ZFYVE28: variants seen among roughly 807,000 people sequenced by gnomAD.
ZFYVE28 encodes the protein zinc finger FYVE-type containing 28.
ZFYVE28 carries 40 observed loss-of-function variants against 82.1 expected under a neutral mutation model. The observed-to-expected ratio is 0.49, with a 90% CI of 0.38 to 0.63. The LOEUF is 0.63. Among genes scored for constraint, ZFYVE28 ranks in the 30% least tolerant of loss-of-function variants. ZFYVE28 has a pLI of 0.00. For missense variants in ZFYVE28, 1,321 were observed against 1,242.1 expected (o/e 1.06, Z -0.96); for synonymous variants, 612 against 546.1 (o/e 1.12, Z -1.68).
intron 1 of ZFYVE28, among the ~76,000 whole-genome samples, chr4:2,389,106 C>G (rs959674): frequency 0.32 from 49,119 of 152,070 alleles, 8,981 homozygotes; most frequent in East Asian, 0.46. Context: ...TCTGCACTGT[C>G]CCAGCTCCCT....
At chr4:2,395,994 G>A (rs951152539) in intron 1 of ZFYVE28, among the ~76,000 whole-genome samples, 2 of 152,212 alleles carry the variant, frequency 1.3e-5, no homozygotes. Context: ...CAGCCCGGGT[G>A]AGACCCACTG....
At chr4:2,312,454 C>A (rs1049593785) in intron 7 of ZFYVE28, among the ~76,000 whole-genome samples, 1 of 151,964 alleles carries the variant, frequency 6.6e-6, no homozygotes, top group Non-Finnish European at 1.5e-5. Flanking sequence ...TGGGGCCGGG[C>A]GCGGTGGCTC....
chr4:2,280,570 A>T (rs1457021456), intron 8 of ZFYVE28, among the ~76,000 whole-genome samples: 5 of 152,252 alleles, frequency 3.3e-5, no homozygotes, highest in Non-Finnish European at 7.3e-5. Context: ...CATAAATGAC[A>T]CACTGGGGAA....
chr4:2,271,180 G>C (rs1345430505), intron 12 of ZFYVE28, 131 bp downstream of exon 12: 5 of 941,246 alleles, frequency 5.3e-6, no homozygotes, highest in Non-Finnish European at 6.4e-6. Context: ...GGGACCTCCA[G>C]GGGCCTCTGC....
intron 1 of ZFYVE28, among the ~76,000 whole-genome samples, chr4:2,383,231 T>TCC (rs1430711558): frequency 6.6e-6 from 1 of 152,112 alleles, no homozygotes; most frequent in Admixed American, 6.5e-5. Flanking sequence ...CCCATAATTC[T>TCC]CACATGTTGT....
In ZFYVE28 at chr4:2,418,344, G is replaced by A; in HGVS notation, c.-21C>T. Reference sequence around the variant, plus strand: ...ATCATCGCCGCGCCGGCCCTGGCCGGACTCCGGGCGGCCCTCGCCCTCCGC... The same window carrying A: ...ATCATCGCCGCGCCGGCCCTGGCCGAACTCCGGGCGGCCCTCGCCCTCCGC... On this transcript the variant is annotated 5_prime_UTR_variant, in exon 1 of 13. Coordinates refer to ENST00000290974, the MANE Select transcript of ZFYVE28 (RefSeq NM_020972.3). This position sits in a 1 kb window ranked among gnomAD's most constrained non-coding sequence, Gnocchi z 4.6. 1 of 1,495,900 alleles carries A rather than the reference G, an allele frequency of 6.7e-7. No individual in the cohort carries two copies. Among genetic ancestry groups the A allele is most frequent in the Non-Finnish European group, 8.9e-7 (1 of 1,119,432 alleles). 92.7% of individuals were successfully genotyped at this position (1,495,900 alleles called of 1,614,324 possible). A position where few individuals can be genotyped will look rare whatever the true frequency, so the allele number is the denominator to read the frequency against.
intron 1 of ZFYVE28, among the ~76,000 whole-genome samples, chr4:2,390,957 C>A (rs867159117): frequency 6.6e-6 from 1 of 152,228 alleles, no homozygotes; most frequent in Non-Finnish European, 1.5e-5. Flanking sequence ...GAAATCCTGT[C>A]CTCTGGCTGC....
intron 1 of ZFYVE28, among the ~76,000 whole-genome samples, chr4:2,399,203 G>A (rs181792420): frequency 1.3e-5 from 2 of 150,298 alleles, no homozygotes; most frequent in African/African-American, 4.9e-5. Context: ...CCAGTGCACA[G>A]AGTGGGGTGA....
rs984310197 is a variant in ZFYVE28, at chr4:2,276,141, C to T, written c.2052-1925G>A. 2.0e-5 allele frequency among the ~76,000 whole-genome samples: 3 copies of T among 152,064 alleles called. No homozygotes were observed. The South Asian group carries it at 6.2e-4, about 31-fold the overall frequency. On this transcript the variant is annotated intron_variant, in intron 8 of 12. Coordinates refer to ENST00000290974, the MANE Select transcript of ZFYVE28 (RefSeq NM_020972.3). ...GAGAATTCAGGGCAGCGGGCTGCGGCAGAGCGGGGGAGGAGGCTGGAAGCG... is the reference window on the plus strand; with the variant it reads ...GAGAATTCAGGGCAGCGGGCTGCGGTAGAGCGGGGGAGGAGGCTGGAAGCG...
chr4:2,341,493 C>G lies in ZFYVE28; in HGVS notation c.303G>C (p.Leu101=). The change falls in exon 3 of 13, where the codon CTG becomes CTC. Residue 101 remains leucine (L), a synonymous_variant. Transcript: ENST00000290974. This position sits in a 1 kb window ranked among gnomAD's most constrained non-coding sequence, Gnocchi z 4.5. ...EIRHDNLAGQ[L]WFGAECLAAG... is the part of the protein sequence containing the mutation. ...CACCCGCTACCTCGGCACCGAACCA[C>G]AGCTGGCCGGCCAGGTTGTCGTGCC... 1 of 1,613,632 alleles carries G rather than the reference C, an allele frequency of 6.2e-7. No individual in the cohort carries two copies. The highest frequency in any genetic ancestry group is 1.7e-5 in the Admixed American group (1 of 60,026).
chr4:2,341,688 C>T lies in ZFYVE28; in HGVS notation c.181-73G>A. 12 of 1,562,278 alleles carry T rather than the reference C, an allele frequency of 7.7e-6. No individual in the cohort carries two copies. Among genetic ancestry groups the T allele is most frequent in the Non-Finnish European group, 1.0e-5 (12 of 1,144,960 alleles). On this transcript the variant is annotated intron_variant, in intron 2 of 12. Coordinates refer to ENST00000290974, the MANE Select transcript of ZFYVE28 (RefSeq NM_020972.3). The surrounding 1 kb of genome is among the most constrained non-coding windows in gnomAD (Gnocchi z 4.5). ...GCGGCCGCCATGTACTGCTGGAAAA[C>T]ACGCACGGTGCATGTGACTGTTTTT...
rs1174090761 is a variant in ZFYVE28 at position 2,305,058 on chromosome 4, T to G, written c.1282A>C (p.Ser428Arg). 1 of 1,611,448 alleles carries G rather than the reference T, an allele frequency of 6.2e-7. No homozygotes were observed. Among genetic ancestry groups the G allele is most frequent in the African/African-American group, 1.3e-5 (1 of 74,914 alleles). The change falls in exon 8 of 13, where the codon AGT (serine) becomes CGT (arginine). Residue 428 changes from serine (S) to arginine (R), a missense_variant. Ser to Arg is a moderately radical substitution (Grantham distance 110). Coordinates refer to ENST00000290974, the MANE Select transcript of ZFYVE28 (RefSeq NM_020972.3). The part of the protein sequence containing the change: ...SPAGPFGWAG[S>R]TWADPQEKGQ... The stretch of plus-strand genomic sequence containing the variant: ...TTCTCCTGGGGGTCGGCCCAGGTAC[T>G]GCCTGCCCACCCAAATGGGCCAGCT...
At chr4:2,321,138 C>T (rs1719013416) in intron 6 of ZFYVE28, among the ~76,000 whole-genome samples, 1 of 152,028 alleles carries the variant, frequency 6.6e-6, no homozygotes, top group African/African-American at 2.4e-5. Context: ...GAGCATCCAC[C>T]CACGAATTCG....
chr4:2,326,872 T>C (rs1473168823), intron 6 of ZFYVE28, among the ~76,000 whole-genome samples: 1 of 152,220 alleles, frequency 6.6e-6, no homozygotes, highest in Admixed American at 6.5e-5. Flanking sequence ...TTTTTGTGTC[T>C]TGATTTTGTG....
chr4:2,302,616 C>T (rs143852754), intron 8 of ZFYVE28, among the ~76,000 whole-genome samples: 231 of 152,364 alleles, frequency 1.5e-3, no homozygotes, highest in East Asian at 5.8e-3. Flanking sequence ...TCCGCAATTC[C>T]GCTCACAGGG....
intron 8 of ZFYVE28, among the ~76,000 whole-genome samples, chr4:2,277,488 A>T (rs1477978236): frequency 1.3e-5 from 2 of 152,174 alleles, no homozygotes; most frequent in African/African-American, 4.8e-5. Context: ...TCAAAAAAAT[A>T]TAAATAAATA....
intron 6 of ZFYVE28, among the ~76,000 whole-genome samples, chr4:2,333,495 CAG>C: frequency 6.6e-6 from 1 of 151,992 alleles, no homozygotes; most frequent in South Asian, 2.1e-4. Flanking sequence ...GCAGCAGACT[CAG>C]TGTGAAAGTC....
chr4:2,356,393 C>G (rs958732983), intron 1 of ZFYVE28, among the ~76,000 whole-genome samples: 1 of 152,030 alleles, frequency 6.6e-6, no homozygotes, highest in Admixed American at 6.5e-5. Context: ...GCAAGACAGA[C>G]CCAGACCCCG....
chr4:2,314,536 T>G (rs922745862), intron 7 of ZFYVE28, among the ~76,000 whole-genome samples: 3 of 152,354 alleles, frequency 2.0e-5, no homozygotes, highest in African/African-American at 7.2e-5. Context: ...TTATTCATCT[T>G]TATTATTTTA....
Sources: gnomAD v4.1 joint callset for allele counts (sites outside exome capture counted in the v4.1 genomes callset) on GRCh38, gnomAD v4.1.1 for gene constraint, Gnocchi (gnomAD v3.1) non-coding constraint, MANE v1.5 for transcripts, NCBI Gene and HGNC (gene_info 2026-07-23, HGNC 2026-07-21) for gene names.